The following DAB2IP variants were observed in gnomAD, a reference collection of about 807,000 sequenced individuals.
DAB2IP encodes disabled homolog 2-interacting protein.
In DAB2IP, 28 loss-of-function variants were observed where a neutral mutation model predicts 107.2. The ratio of observed to expected loss-of-function variants is 0.26; its 90% CI spans 0.19 to 0.36. The LOEUF (loss-of-function observed/expected upper bound fraction) is 0.36, where lower values mean the gene tolerates loss of function less well. Ranked by LOEUF, DAB2IP falls within the 10% of genes least tolerant of loss-of-function variation. The probability of loss-of-function intolerance (pLI) is 1.00; values close to 1 mark genes in which losing one functional copy is unlikely to be tolerated. For synonymous variants in DAB2IP, 755 were observed against 706.4 expected, an observed-to-expected ratio of 1.07 and a Z score of -1.09; for missense variants, 1,400 against 1,644.7, an observed-to-expected ratio of 0.85 and a Z score of 2.57.
At chr9:121,669,816 T>C (rs1051887671) in intron 1 of DAB2IP, among the ~76,000 whole-genome samples, 1 of 152,212 alleles carries the variant, frequency 6.6e-6, no homozygotes, top group African/African-American at 2.4e-5. Context: ...AGTAACCTTG[T>C]CTGAGGTTGT....
chr9:121,764,184 G>T (rs1388686661), intron 8 of DAB2IP, among the ~76,000 whole-genome samples: 1 of 152,204 alleles, frequency 6.6e-6, no homozygotes, highest in Non-Finnish European at 1.5e-5. Flanking sequence ...GCCCTGTGTG[G>T]GCCCCCACTT....
At chr9:121,688,381 C>T (rs1397469010) in intron 2 of DAB2IP, among the ~76,000 whole-genome samples, 1 of 152,208 alleles carries the variant, frequency 6.6e-6, no homozygotes. Flanking sequence ...TAAAGAACGT[C>T]TAAAACGAGC....
At chr9:121,624,790 T>C (rs1393213686) in intron 1 of DAB2IP, among the ~76,000 whole-genome samples, 1 of 152,194 alleles carries the variant, frequency 6.6e-6, no homozygotes, top group Non-Finnish European at 1.5e-5. Context: ...CATATCTCCA[T>C]CATTATGTAA....
intron 1 of DAB2IP, among the ~76,000 whole-genome samples, chr9:121,606,731 T>C (rs529103963): frequency 4.0e-5 from 6 of 151,168 alleles, no homozygotes; most frequent in Non-Finnish European, 8.8e-5. Context: ...CAGTGGGGGG[T>C]GAGGGAGGTG....
At chr9:121,643,042 A>G (rs1480776349) in intron 1 of DAB2IP, among the ~76,000 whole-genome samples, 1 of 152,018 alleles carries the variant, frequency 6.6e-6, no homozygotes, top group Non-Finnish European at 1.5e-5. Flanking sequence ...TGGCACATTC[A>G]GAGATTGAAA....
At chr9:121,717,599 C>G (rs575390337) in intron 3 of DAB2IP, among the ~76,000 whole-genome samples, 2 of 152,324 alleles carry the variant, frequency 1.3e-5, no homozygotes, top group South Asian at 2.1e-4. Context: ...GCATTCTGAC[C>G]TGCCCCTCCT....
intron 3 of DAB2IP, among the ~76,000 whole-genome samples, chr9:121,723,834 G>A (rs895819200): frequency 6.6e-6 from 1 of 152,138 alleles, no homozygotes; most frequent in Non-Finnish European, 1.5e-5. Context: ...ACTCGGGGTG[G>A]AGCACTGGCT....
chr9:121,766,265 G>C (rs985952809), intron 8 of DAB2IP, among the ~76,000 whole-genome samples: 1 of 152,186 alleles, frequency 6.6e-6, no homozygotes, highest in Non-Finnish European at 1.5e-5. Context: ...CCCACTGCCC[G>C]ATGGGAGCCT....
chr9:121,667,865 A>G (rs1833510674), intron 1 of DAB2IP, among the ~76,000 whole-genome samples: 1 of 152,196 alleles, frequency 6.6e-6, no homozygotes, highest in African/African-American at 2.4e-5. Context: ...GACATACCCA[A>G]GACTGGGAAG....
chr9:121,751,846 T>C, intron 3 of DAB2IP: 1 of 865,920 alleles, frequency 1.2e-6, no homozygotes, highest in Non-Finnish European at 1.4e-6. Context: ...TCCCATGCCC[T>C]GGCCAAGCTC....
chr9:121,581,718 G>A (rs544267387), intron 1 of DAB2IP, among the ~76,000 whole-genome samples: 2 of 152,312 alleles, frequency 1.3e-5, no homozygotes, highest in African/African-American at 4.8e-5. Context: ...CCTGCTCCAG[G>A]GAGAGGCAGG....
chr9:121,596,447 C>T (rs1276732634), intron 1 of DAB2IP, among the ~76,000 whole-genome samples: 3 of 152,204 alleles, frequency 2.0e-5, no homozygotes, highest in Non-Finnish European at 2.9e-5. Context: ...CACAGGAGTT[C>T]GAGGCCGCAG....
intron 14 of DAB2IP, among the ~76,000 whole-genome samples, chr9:121,777,597 T>A (rs1245400071): frequency 6.6e-6 from 1 of 152,256 alleles, no homozygotes; most frequent in Non-Finnish European, 1.5e-5. Context: ...CCTGGAATAT[T>A]TCCTCCTTAA....
In DAB2IP at chr9:121,776,724, G is replaced by A. The variant is rs1430189416; in HGVS notation, c.3314+333G>A. Among the ~76,000 whole-genome samples, 2 of 152,184 alleles carry A rather than the reference G, an allele frequency of 1.3e-5. No homozygotes were observed. The highest frequency in any genetic ancestry group is 2.9e-5 in the Non-Finnish European group (2 of 68,030). ...GAGAAGCTGGATTGGGGGGTGCCAG[G>A]AAAGACAGGGAGGACCCCAATACAG... is the stretch of plus-strand genomic sequence containing the variant. On this transcript the variant is annotated intron_variant, in intron 14 of 15. Coordinates refer to ENST00000408936, the Ensembl canonical transcript of DAB2IP. This position sits in a 1 kb window ranked among gnomAD's most constrained non-coding sequence, Gnocchi z 5.4.
In DAB2IP at chr9:121,582,526, G is replaced by A. The variant is rs1328655995; in HGVS notation, c.40+15298G>A. Among the ~76,000 whole-genome samples, 3 of 152,120 alleles carry A rather than the reference G, an allele frequency of 2.0e-5. No homozygotes were observed. The East Asian group carries it at 5.8e-4, about 29-fold the overall frequency. On this transcript the variant is annotated intron_variant, in intron 1 of 16. Coordinates refer to the DAB2IP transcript ENST00000259371. ...CAGGTCTGGCCCCACATCCCCTGCT[G>A]CAGACCTCCACTGGCGCCCCCGTGA... is the stretch of plus-strand genomic sequence containing the variant.
chr9:121,569,884 G>C (rs1274862680), intron 1 of DAB2IP, among the ~76,000 whole-genome samples: 1 of 152,150 alleles, frequency 6.6e-6, no homozygotes, highest in Admixed American at 6.5e-5. Flanking sequence ...TGAACTCCTA[G>C]GCTCAAGGGA....
At chr9:121,758,237 C>T (rs1045087987) in intron 4 of DAB2IP, among the ~76,000 whole-genome samples, 1 of 152,122 alleles carries the variant, frequency 6.6e-6, no homozygotes, top group African/African-American at 2.4e-5. Flanking sequence ...GGCTCCCTTA[C>T]CTGGCAGGAG....
chr9:121,573,415 C>T (rs923445589), intron 1 of DAB2IP, among the ~76,000 whole-genome samples: 1 of 151,682 alleles, frequency 6.6e-6, no homozygotes. Flanking sequence ...GATAGAGTCT[C>T]ACTCTGTCGC....
intron 3 of DAB2IP, among the ~76,000 whole-genome samples, chr9:121,716,809 G>A (rs558690364): frequency 3.3e-5 from 5 of 152,316 alleles, no homozygotes; most frequent in Non-Finnish European, 5.9e-5. Flanking sequence ...CAAGGTAGGC[G>A]TGGTAATTCA....
Sources: allele counts gnomAD v4.1 joint callset (sites outside exome capture counted in the v4.1 genomes callset), GRCh38; gene constraint gnomAD v4.1.1; non-coding constraint Gnocchi (gnomAD v3.1); transcripts MANE v1.5; gene names NCBI Gene and HGNC (gene_info 2026-07-23, HGNC 2026-07-21).